The following RNF123 variants were observed in gnomAD, a reference collection of about 807,000 sequenced individuals.
RNF123 encodes the protein E3 ubiquitin-protein ligase RNF123.
A neutral mutation model predicts 168.5 loss-of-function variants in RNF123; 86 were observed. The ratio of observed to expected loss-of-function variants is 0.51; its 90% CI spans 0.43 to 0.61. The LOEUF (loss-of-function observed/expected upper bound fraction) is 0.61. Among genes scored for constraint, RNF123 ranks in the 20% least tolerant of loss-of-function variants. The pLI is 0.00. For missense variants in RNF123, 1,419 were observed against 1,729.7 expected, an observed-to-expected ratio of 0.82 and a Z score of 3.19; for synonymous variants, 666 against 689.1, an observed-to-expected ratio of 0.97 and a Z score of 0.52.
chr3:49,720,513 G>A lies in RNF123; in HGVS notation c.3503G>A (p.Arg1168Lys), dbSNP rs1393545108. 6.3e-7 allele frequency: 1 copy of A among 1,579,642 alleles called. No individual in the cohort carries two copies. The highest frequency in any genetic ancestry group is 1.3e-5 in the African/African-American group (1 of 74,096). Reference protein sequence around the residue: ...QLLVRGPASEREQATSVLLAD... With the variant: ...QLLVRGPASEKEQATSVLLAD... Reference sequence around the variant, plus strand: ...CCCTTGCACCCTCCCCTACCTAGGAGAGAGCAAGCCACATCAGTGCTCCTG... The same window carrying A: ...CCCTTGCACCCTCCCCTACCTAGGAAAGAGCAAGCCACATCAGTGCTCCTG... The change falls in exon 36 of 39, where the codon AGA becomes AAA. Residue 1168 changes from arginine to lysine, a missense_variant and splice_region_variant. Coordinates refer to ENST00000327697, the MANE Select transcript of RNF123 (RefSeq NM_022064.5).
intron 1 of RNF123, among the ~76,000 whole-genome samples, chr3:49,690,173 G>GT (rs1460827981): frequency 6.6e-6 from 1 of 152,202 alleles, no homozygotes; most frequent in African/African-American, 2.4e-5. Flanking sequence ...AGAGTAGGGA[G>GT]TGCTGGCTAA....
In RNF123 at chr3:49,705,607, G is replaced by C; in HGVS notation, c.2232G>C (p.Glu744Asp). The change falls in exon 24 of 39, where the codon GAG (glutamate) becomes GAC (aspartate). Residue 744 changes from glutamate (E) to aspartate (D), a missense_variant. This residue lies in a region of RNF123 where 538 missense variants were observed against 708.8 expected (regional missense o/e 0.76). Transcript: ENST00000327697. ...AGGAGCCTGAGCAGCCCCTCACCGA[G>C]AACTCGCTGCTGGAAGTCCTGGATG... ...PPEEPEQPLT[E>D]NSLLEVLDGA... 1 of 1,613,880 alleles carries C rather than the reference G, an allele frequency of 6.2e-7. No individual in the cohort carries two copies. Among genetic ancestry groups the C allele is most frequent in the African/African-American group, 1.3e-5 (1 of 75,028 alleles).
At chr3:49,717,287 C>T (rs568793567) in intron 35 of RNF123, 11 of 155,966 alleles carry the variant, frequency 7.1e-5, no homozygotes, top group Non-Finnish European at 1.1e-4. Context: ...TCTTGAGGAG[C>T]CTTTCCTGCC....
intron 26 of RNF123, among the ~76,000 whole-genome samples, 178 bp downstream of exon 26, chr3:49,707,076 G>A (rs1275268413): frequency 6.6e-6 from 1 of 152,118 alleles, no homozygotes; most frequent in African/African-American, 2.4e-5. Context: ...CATGCTCTGT[G>A]GACTGAGGAA....
chr3:49,720,752 A>G, intron 36 of RNF123, 48 bp from the exon 37 acceptor site: 1 of 1,612,856 alleles, frequency 6.2e-7, no homozygotes, highest in Non-Finnish European at 8.5e-7. Context: ...TTCAAGAGGC[A>G]TCACATCCTC....
rs1009054923 is a variant in RNF123 at position 49,719,666 on chromosome 3, C to T, written c.3501-845C>T. On this transcript the variant is annotated intron_variant, in intron 35 of 38. Transcript: ENST00000327697. ...GCGGCACTCTTAGCCGCGCTCCCTT[C>T]GGCTTCGCTAGCCCTCTCCAAGCGA... 8 of 569,772 alleles carry T rather than the reference C, an allele frequency of 1.4e-5. No individual in the cohort carries two copies. The African/African-American group carries it at 1.5e-4, about 11-fold the overall frequency. 35.3% of individuals were successfully genotyped at this position (569,772 alleles called of 1,614,324 possible). A position where few individuals can be genotyped will look rare whatever the true frequency, so the allele number is the denominator to read the frequency against.
At chr3:49,702,525 T>G (rs2054424772) in intron 19 of RNF123, 108 bp from the exon 20 acceptor site, 2 of 1,606,638 alleles carry the variant, frequency 1.2e-6, no homozygotes, top group Non-Finnish European at 1.7e-6. Context: ...TTTTCTCTGC[T>G]GCTTTTCCCT....
Position 49,714,167 on chromosome 3 carries a change from C to T in RNF123, c.3003C>T (p.Ser1001=), listed in dbSNP as rs1357318419. Residue 1001 remains serine (S), a synonymous_variant, in exon 31 of 39, where the codon AGC becomes AGT. Transcript: ENST00000327697. ...AACTTGAGGACGCCAATTTGCCCAG[C>T]CTCCAGAGTGAGTATCTGGGTTGGG... is the stretch of plus-strand genomic sequence containing the variant. ...KTKLEDANLP[S]LQKPCPSTLL... 6.2e-7 allele frequency: 1 copy of T among 1,614,142 alleles called. No homozygotes were observed. The highest frequency in any genetic ancestry group is 8.5e-7 in the Non-Finnish European group (1 of 1,180,010).
In RNF123 at chr3:49,698,289, G is replaced by C. The variant is rs369530050; in HGVS notation, c.484-151G>C. The C allele has an allele frequency of 2.2e-4, 199 of 924,578 alleles. No homozygotes were observed. The East Asian group carries it at 4.9e-3, about 23-fold the overall frequency. The allele number at this position is 924,578 out of a possible 1,614,324, so 57.3% of individuals were successfully genotyped here. Reference sequence around the variant, plus strand: ...AAGAAACGTGTCCCACCCAATCCCAGGCACCCCAGCTCAGAGAATACCTCT... The same window carrying C: ...AAGAAACGTGTCCCACCCAATCCCACGCACCCCAGCTCAGAGAATACCTCT... On this transcript the variant is annotated intron_variant, in intron 7 of 38. Coordinates refer to ENST00000327697, the MANE Select transcript of RNF123 (RefSeq NM_022064.5).
chr3:49,691,270 G>A (rs762831492), intron 2 of RNF123, 23 bp downstream of exon 2: 4 of 1,611,474 alleles, frequency 2.5e-6, no homozygotes, highest in South Asian at 1.1e-5. Context: ...AGGGAAGGAA[G>A]GAGGCTCCTC....
intron 27 of RNF123, 28 bp from the exon 28 acceptor site, chr3:49,713,485 C>T (rs1048010708): frequency 1.1e-5 from 18 of 1,582,142 alleles, no homozygotes; most frequent in Admixed American, 1.8e-5. Context: ...CACTCCCAGC[C>T]GACACGTCTC....
intron 26 of RNF123, 32 bp downstream of exon 26, chr3:49,706,930 C>A: frequency 6.3e-7 from 1 of 1,586,452 alleles, no homozygotes; most frequent in South Asian, 1.1e-5. Context: ...CCCTTCCCGA[C>A]CTCACTGTCT....
rs1227876158 is a variant in RNF123, at chr3:49,721,436, T to C, written c.*131T>C. On this transcript the variant is annotated 3_prime_UTR_variant, in exon 39 of 39. Coordinates refer to ENST00000327697, the MANE Select transcript of RNF123 (RefSeq NM_022064.5). ...CATCCAACCTCCTTGCCTGCCTGTA[T>C]CCTCATTGGTGGGAGCCCAGCCATG... is the stretch of plus-strand genomic sequence containing the variant. 27 of 1,261,636 alleles carry C rather than the reference T, an allele frequency of 2.1e-5. No homozygotes were observed. The highest frequency in any genetic ancestry group is 2.9e-5 in the Non-Finnish European group (25 of 861,762). The allele number at this position is 1,261,636 out of a possible 1,614,324, so 78.2% of individuals were successfully genotyped here.
Position 49,702,685 on chromosome 3 carries a change from T to A in RNF123, c.1682T>A (p.Leu561Gln), listed in dbSNP as rs746059270. The A allele has an allele frequency of 1.1e-5, 17 of 1,614,252 alleles. No individual in the cohort carries two copies. The highest frequency in any genetic ancestry group is 1.4e-5 in the Non-Finnish European group (16 of 1,180,024). Reference protein sequence around the residue: ...PEYMVCFLHRLISALRYYWDE... With the variant: ...PEYMVCFLHRQISALRYYWDE... ...TACATGGTCTGCTTCTTACACCGGC[T>A]GATCTCTGCCCTGCGCTACTATTGG... The change falls in exon 20 of 39, where the codon CTG becomes CAG. Residue 561 changes from leucine to glutamine, a missense_variant. Physicochemically the swap from Leu to Gln is moderately radical, Grantham distance 113. Around this residue, in one of 5 missense-constraint regions of RNF123, gnomAD observed 349 missense variants for 344.9 expected, o/e 1.01. Coordinates refer to ENST00000327697, the MANE Select transcript of RNF123 (RefSeq NM_022064.5).
At position 49,715,623 on chromosome 3, in the gene RNF123, A is replaced by C; in HGVS notation, c.3059A>C (p.Gln1020Pro). 1 of 1,614,146 alleles carries C rather than the reference A, an allele frequency of 6.2e-7. No individual in the cohort carries two copies. Among genetic ancestry groups the C allele is most frequent in the Non-Finnish European group, 8.5e-7 (1 of 1,180,018 alleles). ...CAGCAGCACATGGCGGACCTCCTAC[A>C]GCAGGGTCCTGATGTGGCACCCAGC... ...LLQQHMADLL[Q>P]QGPDVAPSFL... Residue 1020 changes from glutamine (Q) to proline (P), a missense_variant, in exon 32 of 39, where the codon CAG becomes CCG. This residue lies in a region of RNF123 where 538 missense variants were observed against 708.8 expected (regional missense o/e 0.76). Coordinates refer to ENST00000327697, the MANE Select transcript of RNF123 (RefSeq NM_022064.5).
In RNF123 at chr3:49,697,915, C is replaced by T. The variant is rs891181395; in HGVS notation, c.373C>T (p.Arg125Cys). Residue 125 changes from arginine (R) to cysteine (C), a missense_variant, in exon 6 of 39, where the codon CGC becomes TGC. Physicochemically the swap from Arg to Cys is radical, Grantham distance 180. Around this residue, in one of 5 missense-constraint regions of RNF123, gnomAD observed 318 missense variants for 446.6 expected, o/e 0.71. Transcript: ENST00000327697. ...VIGHSNFGTI[R>C]STTCVYKGKW... ...TGGACACAGCAACTTTGGCACCATC[C>T]GCTCTACCACATGCGTGTACAAAGG... The T allele has an allele frequency of 6.2e-6, 10 of 1,614,208 alleles. No individual in the cohort carries two copies. Among genetic ancestry groups the T allele is most frequent in the South Asian group, 1.1e-5 (1 of 91,084 alleles).
chr3:49,692,810 C>G (rs890477941), intron 3 of RNF123, among the ~76,000 whole-genome samples: 14 of 152,162 alleles, frequency 9.2e-5, no homozygotes, highest in African/African-American at 3.4e-4. Flanking sequence ...GGATCTCATT[C>G]TTTTTTATGG....
intron 24 of RNF123, 110 bp downstream of exon 24, chr3:49,705,789 A>G (rs911685818): frequency 2.6e-5 from 39 of 1,527,346 alleles, no homozygotes; most frequent in African/African-American, 6.8e-5. Flanking sequence ...AAGACCGTGC[A>G]TGGGAGCACA....
chr3:49,718,232 G>T, intron 35 of RNF123: 1 of 1,611,852 alleles, frequency 6.2e-7, no homozygotes, highest in Non-Finnish European at 8.5e-7. Context: ...CGGCAGGCAC[G>T]GCGGCAGCAG....
Sources: gnomAD v4.1 joint callset for allele counts (sites outside exome capture counted in the v4.1 genomes callset) on GRCh38, gnomAD v4.1.1 for gene constraint, gnomAD v4.1.1 regional missense constraint, MANE v1.5 for transcripts, NCBI Gene and HGNC (gene_info 2026-07-23, HGNC 2026-07-21) for gene names.